RALGPS1: variants seen among roughly 807,000 people sequenced by gnomAD.
The protein encoded by RALGPS1 is Ral GEF with PH domain and SH3 binding motif 1.
A neutral mutation model predicts 78.8 loss-of-function variants in RALGPS1; 19 were observed. The ratio of observed to expected loss-of-function variants is 0.24; its 90% CI spans 0.17 to 0.35. RALGPS1 has a LOEUF of 0.35. Among genes scored for constraint, RALGPS1 ranks in the 10% least tolerant of loss-of-function variants. RALGPS1 has a pLI of 1.00. For synonymous variants in RALGPS1, 228 were observed against 256.3 expected (o/e 0.89, Z 1.06); for missense variants, 454 against 688.3 (o/e 0.66, Z 3.81).
intron 11 of RALGPS1, among the ~76,000 whole-genome samples, chr9:127,176,280 G>T (rs921614584): frequency 2.6e-5 from 4 of 152,184 alleles, no homozygotes; most frequent in Admixed American, 2.6e-4. Context: ...CCCCAGCAAA[G>T]GTGGCCAGAA....
chr9:127,189,340 C>T (rs921989937), intron 11 of RALGPS1, among the ~76,000 whole-genome samples: 4 of 152,142 alleles, frequency 2.6e-5, no homozygotes, highest in African/African-American at 9.7e-5. Flanking sequence ...GAGGCGAGGC[C>T]GCTTTGGACT....
chr9:127,220,552 G>C lies in RALGPS1; in HGVS notation c.*1783G>C, dbSNP rs1484310239. ...TGATGCCATCAAACCTTGACACCGG[G>C]TGCTCTGCACACCCACGCGGATGTT... is the stretch of plus-strand genomic sequence containing the variant. On this transcript the variant is annotated 3_prime_UTR_variant, in exon 19 of 19. Transcript: ENST00000259351. The C allele has an allele frequency of 6.6e-6, 1 of 152,150 alleles. No individual in the cohort carries two copies. The allele number at this position is 152,150 out of a possible 1,614,324, so 9.4% of individuals were successfully genotyped here. A position where few individuals can be genotyped will look rare whatever the true frequency, so the allele number is the denominator to read the frequency against.
At chr9:127,173,735 A>C (rs976541436) in intron 10 of RALGPS1, among the ~76,000 whole-genome samples, 1 of 152,194 alleles carries the variant, frequency 6.6e-6, no homozygotes, top group Non-Finnish European at 1.5e-5. Context: ...TTGAGAGGCC[A>C]CGTGCGGTGG....
intron 8 of RALGPS1, chr9:127,092,018 C>G: frequency 2.6e-6 from 4 of 1,551,640 alleles, no homozygotes; most frequent in Non-Finnish European, 3.5e-6. Flanking sequence ...AGACACTCAG[C>G]CCTGGATAGA....
At chr9:126,950,843 A>C (rs1294382734) in intron 1 of RALGPS1, among the ~76,000 whole-genome samples, 1 of 150,682 alleles carries the variant, frequency 6.6e-6, no homozygotes, top group Non-Finnish European at 1.5e-5. Context: ...AATAGAGACA[A>C]AAAAAAAACC....
chr9:127,003,143 G>C (rs1381733956), intron 4 of RALGPS1, among the ~76,000 whole-genome samples: 2 of 152,164 alleles, frequency 1.3e-5, no homozygotes, highest in African/African-American at 2.4e-5. Flanking sequence ...ATAGGCATGG[G>C]CAAGGACTTC....
At position 127,108,395 on chromosome 9, in the gene RALGPS1, C is replaced by G. The variant is rs764850682; in HGVS notation, c.610+39039C>G. The G allele has an allele frequency of 1.9e-6, 3 of 1,609,060 alleles. No individual in the cohort carries two copies. The South Asian group carries it at 3.3e-5, about 18-fold the overall frequency. ...TTCACCTCGCTCACAATGCCGCCGTCCACCTCCACCAGCTGCTGCAGCGTC... is the reference window on the plus strand; with the variant it reads ...TTCACCTCGCTCACAATGCCGCCGTGCACCTCCACCAGCTGCTGCAGCGTC... On this transcript the variant is annotated intron_variant, in intron 8 of 18. Coordinates refer to ENST00000259351, the MANE Select transcript of RALGPS1 (RefSeq NM_014636.3).
chr9:127,168,568 A>G, intron 9 of RALGPS1, 111 bp from the exon 10 acceptor site: 3 of 777,126 alleles, frequency 3.9e-6, no homozygotes, highest in Non-Finnish European at 4.5e-6. Flanking sequence ...TGGAAGAGTG[A>G]ATGAGTCTCA....
At chr9:127,089,280 G>T in intron 8 of RALGPS1, 1 of 815,732 alleles carries the variant, frequency 1.2e-6, no homozygotes, top group Non-Finnish European at 1.9e-6. Context: ...CTCCATGGGT[G>T]GTGAGAGGCC....
intron 4 of RALGPS1, among the ~76,000 whole-genome samples, chr9:127,027,780 C>T (rs2046083362): frequency 6.6e-6 from 1 of 152,234 alleles, no homozygotes; most frequent in African/African-American, 2.4e-5. Flanking sequence ...ACTTTTCTGA[C>T]ACCATGTAGA....
At chr9:127,004,820 G>A (rs1189554961) in intron 4 of RALGPS1, among the ~76,000 whole-genome samples, 1 of 152,178 alleles carries the variant, frequency 6.6e-6, no homozygotes, top group Non-Finnish European at 1.5e-5. Context: ...AGGAGAAGGA[G>A]CATCCACCTC....
At chr9:127,031,672 G>A (rs16929550) in intron 4 of RALGPS1, among the ~76,000 whole-genome samples, 3,396 of 152,312 alleles carry the variant, frequency 0.022, 124 homozygotes, top group African/African-American at 0.077. Flanking sequence ...AAGTGACATG[G>A]TGTGGGATTC....
intron 11 of RALGPS1, among the ~76,000 whole-genome samples, chr9:127,191,700 GTT>G (rs11375987): frequency 8.0e-6 from 1 of 125,536 alleles, no homozygotes; most frequent in Non-Finnish European, 1.6e-5. Context: ...GTTTTTTTTT[GTT>G]TTTTTTTTTT....
At chr9:127,046,619 A>G (rs7853438) in intron 5 of RALGPS1, among the ~76,000 whole-genome samples, 3,282 of 151,466 alleles carry the variant, frequency 0.022, 122 homozygotes, top group African/African-American at 0.075. Flanking sequence ...AGCTTTTATC[A>G]ATCAATAATA....
intron 4 of RALGPS1, among the ~76,000 whole-genome samples, chr9:127,033,039 T>C (rs1475094009): frequency 6.6e-6 from 1 of 152,248 alleles, no homozygotes; most frequent in Non-Finnish European, 1.5e-5. Context: ...TGAGGTGCCC[T>C]GTCCAGCACC....
intron 8 of RALGPS1, among the ~76,000 whole-genome samples, chr9:127,148,396 C>T (rs1402129595): frequency 4.6e-5 from 7 of 152,200 alleles, no homozygotes; most frequent in Non-Finnish European, 7.3e-5. Context: ...GAGTAGGGAG[C>T]GTCTGTTTTT....
intron 8 of RALGPS1, among the ~76,000 whole-genome samples, chr9:127,142,966 G>A (rs2057879659): frequency 6.6e-6 from 1 of 152,114 alleles, no homozygotes; most frequent in Admixed American, 6.5e-5. Context: ...TTTTTGAAAT[G>A]TACAAACTGT....
chr9:127,106,932 A>G (rs1162180038), intron 8 of RALGPS1: 2 of 152,262 alleles, frequency 1.3e-5, no homozygotes, highest in African/African-American at 2.4e-5. Flanking sequence ...GACTTGGAGT[A>G]GATACATGGT....
chr9:127,000,698 A>C (rs13300464), intron 4 of RALGPS1, among the ~76,000 whole-genome samples: 2 of 150,038 alleles, frequency 1.3e-5, no homozygotes, highest in Admixed American at 6.6e-5. Context: ...ACAGTCATGC[A>C]CCACCACCTC....
Sources: gnomAD v4.1 joint callset for allele counts (sites outside exome capture counted in the v4.1 genomes callset) on GRCh38, gnomAD v4.1.1 for gene constraint, MANE v1.5 for transcripts, NCBI Gene and HGNC (gene_info 2026-07-23, HGNC 2026-07-21) for gene names.